Variants in INPP4B observed in about 807,000 individuals in gnomAD.
INPP4B encodes the protein inositol polyphosphate 4-phosphatase type II.
INPP4B carries 55 observed loss-of-function variants against 122.5 expected under a neutral mutation model. That is an observed-to-expected ratio of 0.45 (90% CI 0.36 to 0.56). The LOEUF (loss-of-function observed/expected upper bound fraction) is 0.56. Among genes scored for constraint, INPP4B ranks in the 20% least tolerant of loss-of-function variants. The probability of loss-of-function intolerance (pLI) is 0.00; values close to 1 mark genes in which losing one functional copy is unlikely to be tolerated. For missense variants in INPP4B, 1,000 were observed against 1,097.7 expected (o/e 0.91, Z 1.26); for synonymous variants, 403 against 388.7 (o/e 1.04, Z -0.43).
intron 11 of INPP4B, among the ~76,000 whole-genome samples, chr4:142,258,789 A>G (rs1176390816): frequency 5.9e-5 from 9 of 152,250 alleles, no homozygotes; most frequent in African/African-American, 1.9e-4. Context: ...TGTGGAAGTC[A>G]GTGTGGCAAT....
intron 25 of INPP4B, among the ~76,000 whole-genome samples, chr4:142,031,087 T>G (rs903453754): frequency 1.3e-5 from 2 of 152,114 alleles, no homozygotes; most frequent in African/African-American, 4.8e-5. Context: ...AGGGGGTTGG[T>G]TTATAATTCT....
chr4:142,117,043 A>C (rs6848385), intron 21 of INPP4B, among the ~76,000 whole-genome samples: 19,101 of 152,208 alleles, frequency 0.13, 1,368 homozygotes, highest in East Asian at 0.23. Context: ...CCACTATGCA[A>C]ATAAACTAGA....
intron 18 of INPP4B, among the ~76,000 whole-genome samples, chr4:142,145,262 C>A (rs1429409421): frequency 6.6e-6 from 1 of 152,114 alleles, no homozygotes. Context: ...CAGAAAAACA[C>A]ATGCACTCAC....
At chr4:142,202,755 C>T (rs1049664011) in intron 14 of INPP4B, 1 of 984,468 alleles carries the variant, frequency 1.0e-6, no homozygotes, top group Non-Finnish European at 1.2e-6. Flanking sequence ...TGCGGAATCC[C>T]ACTTGAGATA....
intron 9 of INPP4B, among the ~76,000 whole-genome samples, chr4:142,271,712 C>G (rs950007503): frequency 2.4e-4 from 37 of 152,066 alleles, no homozygotes; most frequent in Admixed American, 9.8e-4. Flanking sequence ...ATGAGAAGAC[C>G]CTTCCAAGGT....
At chr4:142,587,512 A>G (rs1736482436) in intron 2 of INPP4B, among the ~76,000 whole-genome samples, 1 of 152,164 alleles carries the variant, frequency 6.6e-6, no homozygotes, top group South Asian at 2.1e-4. Context: ...AAACATTAAA[A>G]GAAGAAATGA....
intron 12 of INPP4B, among the ~76,000 whole-genome samples, chr4:142,229,703 A>G (rs1853310560): frequency 6.6e-6 from 1 of 152,192 alleles, no homozygotes; most frequent in Non-Finnish European, 1.5e-5. Context: ...GATGAAGCTA[A>G]TGCATCTCCA....
At chr4:142,495,899 C>A (rs553511256) in intron 2 of INPP4B, among the ~76,000 whole-genome samples, 1 of 152,044 alleles carries the variant, frequency 6.6e-6, no homozygotes, top group African/African-American at 2.4e-5. Context: ...AGGTGAATAC[C>A]GAATCCTCAT....
chr4:142,722,134 T>C (rs1009177126), intron 2 of INPP4B, among the ~76,000 whole-genome samples: 1 of 152,180 alleles, frequency 6.6e-6, no homozygotes, highest in African/African-American at 2.4e-5. Flanking sequence ...TACATATGTA[T>C]ACATACAAGA....
intron 21 of INPP4B, among the ~76,000 whole-genome samples, chr4:142,121,558 C>T (rs1038925993): frequency 4.6e-5 from 7 of 152,056 alleles, no homozygotes; most frequent in Admixed American, 4.6e-4. Context: ...TTCTACACAC[C>T]ATCATTTTTC....
chr4:142,611,278 A>C (rs1742432317), intron 2 of INPP4B, among the ~76,000 whole-genome samples: 2 of 152,076 alleles, frequency 1.3e-5, no homozygotes, highest in Admixed American at 6.6e-5. Flanking sequence ...AGAAATCTAC[A>C]CCCATAATCC....
At chr4:142,377,722 G>T (rs929298653) in intron 7 of INPP4B, among the ~76,000 whole-genome samples, 2 of 151,968 alleles carry the variant, frequency 1.3e-5, no homozygotes, top group Non-Finnish European at 2.9e-5. Flanking sequence ...AAATACTCAA[G>T]AAATGAATGT....
intron 5 of INPP4B, chr4:142,427,171 TAA>T (rs952716604): frequency 2.6e-5 from 5 of 189,934 alleles, no homozygotes; most frequent in Non-Finnish European, 5.3e-5. Flanking sequence ...GAGTAGTTTT[TAA>T]AAAATTCTTC....
At chr4:142,158,647 T>C (rs1404649424) in intron 17 of INPP4B, among the ~76,000 whole-genome samples, 1 of 152,154 alleles carries the variant, frequency 6.6e-6, no homozygotes, top group Non-Finnish European at 1.5e-5. Context: ...GTTTACATAT[T>C]TTTATCTATC....
chr4:142,381,530 C>A (rs1164799714), intron 7 of INPP4B, among the ~76,000 whole-genome samples: 1 of 152,006 alleles, frequency 6.6e-6, no homozygotes, highest in Non-Finnish European at 1.5e-5. Context: ...CTTATTTATG[C>A]CATACATATA....
Position 142,048,568 on chromosome 4 carries a change from T to C in INPP4B, c.2643-19654A>G, listed in dbSNP as rs1752816152. On this transcript the variant is annotated intron_variant, in intron 25 of 25. Coordinates refer to ENST00000262992, the MANE Select transcript of INPP4B (RefSeq NM_001101669.3). ...GGCAAGGGTTTGTTATGTTTGTGTG[T>C]TACATGTTTGCTATATGAGTTGGAG... Among the ~76,000 whole-genome samples the C allele has an allele frequency of 2.0e-5, 3 of 151,890 alleles. No homozygotes were observed. In the South Asian group the frequency reaches 6.2e-4, roughly 32 times the overall value.
chr4:142,502,856 G>T (rs1823562048), intron 2 of INPP4B, among the ~76,000 whole-genome samples: 1 of 152,030 alleles, frequency 6.6e-6, no homozygotes, highest in Admixed American at 6.6e-5. Context: ...AATTCTCCTT[G>T]CTCCATGCCT....
At chr4:142,674,782 A>C (rs979933697) in intron 2 of INPP4B, among the ~76,000 whole-genome samples, 2 of 152,158 alleles carry the variant, frequency 1.3e-5, no homozygotes, top group African/African-American at 4.8e-5. Context: ...CTGAGTAAAT[A>C]ACAAAATTAA....
At chr4:142,351,634 T>C (rs1203763101) in intron 7 of INPP4B, among the ~76,000 whole-genome samples, 1 of 152,006 alleles carries the variant, frequency 6.6e-6, no homozygotes, top group South Asian at 2.1e-4. Context: ...TTTTGGACAC[T>C]GAATAAAATT....
Sources: gnomAD v4.1 joint callset for allele counts (sites outside exome capture counted in the v4.1 genomes callset) on GRCh38, gnomAD v4.1.1 for gene constraint, MANE v1.5 for transcripts, NCBI Gene and HGNC (gene_info 2026-07-23, HGNC 2026-07-21) for gene names.